The following CAMTA1 variants were observed in gnomAD, a reference collection of about 807,000 sequenced individuals.
The protein encoded by CAMTA1 is calmodulin binding transcription activator 1, also known as calmodulin-binding transcription activator 1.
A neutral mutation model predicts 170.9 loss-of-function variants in CAMTA1; 27 were observed. That is an observed-to-expected ratio of 0.16 (90% CI 0.12 to 0.22). CAMTA1 has a LOEUF of 0.22. Ranked by LOEUF, CAMTA1 falls within the 10% of genes least tolerant of loss-of-function variation. CAMTA1 has a pLI of 1.00. For synonymous variants in CAMTA1, 833 were observed against 891.5 expected (o/e 0.93, Z 1.17); for missense variants, 1,619 against 2,217.2 (o/e 0.73, Z 5.42).
intron 6 of CAMTA1, among the ~76,000 whole-genome samples, chr1:7,487,092 C>T (rs1268051755): frequency 6.6e-6 from 1 of 152,226 alleles, no homozygotes; most frequent in Non-Finnish European, 1.5e-5. Flanking sequence ...GCTCAATGAG[C>T]ACAGATGCTC....
chr1:7,473,414 C>G (rs1466910793), intron 6 of CAMTA1, among the ~76,000 whole-genome samples: 5 of 152,200 alleles, frequency 3.3e-5, no homozygotes, highest in Non-Finnish European at 5.9e-5. Flanking sequence ...GGGGCTCCCC[C>G]AAGGAGGAGG....
At chr1:6,911,728 A>G (rs1679723712) in intron 3 of CAMTA1, among the ~76,000 whole-genome samples, 1 of 152,170 alleles carries the variant, frequency 6.6e-6, no homozygotes, top group Admixed American at 6.5e-5. Context: ...TCATCTGAAA[A>G]ATGGGAAGGC....
chr1:7,436,862 G>T (rs1575317991), intron 5 of CAMTA1, among the ~76,000 whole-genome samples: 1 of 152,130 alleles, frequency 6.6e-6, no homozygotes, highest in Non-Finnish European at 1.5e-5. Context: ...TGCAATCTGG[G>T]TGTGGGATGT....
chr1:6,830,366 T>A (rs1346801755), intron 3 of CAMTA1, among the ~76,000 whole-genome samples: 1 of 132,380 alleles, frequency 7.6e-6, no homozygotes. Context: ...TTTTTTGAGA[T>A]GGAGTCTCAC....
chr1:7,161,958 G>A lies in CAMTA1; in HGVS notation c.302+70587G>A, dbSNP rs114174073. On this transcript the variant is annotated intron_variant, in intron 4 of 22. Transcript: ENST00000303635. Reference sequence around the variant, plus strand: ...CCAAGCTTACTGTGTGTGTCTCTCTGTGTCGGCAACGTCAGATCCTCTCGC... The same window carrying A: ...CCAAGCTTACTGTGTGTGTCTCTCTATGTCGGCAACGTCAGATCCTCTCGC... 2.3e-3 allele frequency among the ~76,000 whole-genome samples: 344 copies of A among 152,282 alleles called. 1 individual carries two copies. The highest frequency in any genetic ancestry group is 8.0e-3 in the African/African-American group (334 of 41,548).
At chr1:7,187,097 C>G (rs1360955715) in intron 4 of CAMTA1, among the ~76,000 whole-genome samples, 1 of 152,112 alleles carries the variant, frequency 6.6e-6, no homozygotes, top group African/African-American at 2.4e-5. Context: ...ATGCTGGTCA[C>G]TGTCCTGACA....
At chr1:6,916,916 G>C (rs942442178) in intron 3 of CAMTA1, among the ~76,000 whole-genome samples, 2 of 152,198 alleles carry the variant, frequency 1.3e-5, no homozygotes, top group African/African-American at 4.8e-5. Context: ...GGAGGCGGAG[G>C]CCTGTTGAGG....
At chr1:7,528,385 C>A (rs2094453329) in intron 6 of CAMTA1, among the ~76,000 whole-genome samples, 2 of 152,008 alleles carry the variant, frequency 1.3e-5, no homozygotes, top group South Asian at 2.1e-4. Flanking sequence ...AAAATAGCTT[C>A]AAGGCCTGAC....
intron 3 of CAMTA1, among the ~76,000 whole-genome samples, chr1:6,880,642 G>T (rs1021280780): frequency 1.3e-5 from 2 of 152,104 alleles, no homozygotes; most frequent in African/African-American, 4.8e-5. Context: ...CGCCCGCCTT[G>T]GCCTCCCAGA....
chr1:6,924,963 G>T (rs560534942), intron 3 of CAMTA1, among the ~76,000 whole-genome samples: 1 of 152,222 alleles, frequency 6.6e-6, no homozygotes, highest in Non-Finnish European at 1.5e-5. Context: ...GGTTGGGGGG[G>T]ACTGTGCTGT....
At chr1:7,016,823 G>A (rs754437424) in intron 3 of CAMTA1, among the ~76,000 whole-genome samples, 2 of 151,354 alleles carry the variant, frequency 1.3e-5, no homozygotes, top group Non-Finnish European at 2.9e-5. Flanking sequence ...GTGACAGAGC[G>A]AGCCTGTCTC....
At chr1:7,666,099 G>T (rs2095998871) in intron 9 of CAMTA1, among the ~76,000 whole-genome samples, 1 of 151,822 alleles carries the variant, frequency 6.6e-6, no homozygotes, top group Non-Finnish European at 1.5e-5. Context: ...AACCCGGGAG[G>T]TGGAGGTTGC....
chr1:7,410,975 G>C (rs1346429693), intron 5 of CAMTA1, among the ~76,000 whole-genome samples: 2 of 151,990 alleles, frequency 1.3e-5, no homozygotes, highest in Non-Finnish European at 2.9e-5. Context: ...GTGTATGTGT[G>C]TGTATATGTG....
chr1:7,205,832 G>A (rs999645068), intron 4 of CAMTA1, among the ~76,000 whole-genome samples: 9 of 152,148 alleles, frequency 5.9e-5, no homozygotes, highest in South Asian at 2.1e-4. Flanking sequence ...TCTAGTACTC[G>A]TATGGTTTCA....
chr1:7,372,385 T>G (rs2086537661), intron 5 of CAMTA1, among the ~76,000 whole-genome samples: 1 of 152,188 alleles, frequency 6.6e-6, no homozygotes, highest in African/African-American at 2.4e-5. Flanking sequence ...TGTTTAGTTT[T>G]TTGTTTGTTG....
intron 5 of CAMTA1, among the ~76,000 whole-genome samples, chr1:7,276,303 A>ATAATTTTTTTTTTTTTTTTTTT: frequency 1.7e-4 from 4 of 24,226 alleles, no homozygotes; most frequent in African/African-American, 8.9e-4. Context: ...ATATATATAT[A>ATAATTTTTTTTTTTTTTTTTTT]TTTTTTTTTT....
At chr1:6,923,870 T>A (rs1682544349) in intron 3 of CAMTA1, among the ~76,000 whole-genome samples, 1 of 152,172 alleles carries the variant, frequency 6.6e-6, no homozygotes, top group Admixed American at 6.6e-5. Flanking sequence ...GACCTGCCAA[T>A]TTGGTGGATA....
chr1:7,151,289 C>T (rs114390851), intron 4 of CAMTA1, among the ~76,000 whole-genome samples: 2,507 of 152,310 alleles, frequency 0.016, 36 homozygotes, highest in Non-Finnish European at 0.026. Context: ...ATGTAGCACC[C>T]GAGCCTAATT....
chr1:7,405,758 G>T (rs2090240032), intron 5 of CAMTA1, among the ~76,000 whole-genome samples: 3 of 152,216 alleles, frequency 2.0e-5, no homozygotes, highest in Non-Finnish European at 4.4e-5. Context: ...ACCACACCGG[G>T]TGGATGTGAG....
Sources: allele counts gnomAD v4.1 joint callset (sites outside exome capture counted in the v4.1 genomes callset), GRCh38; gene constraint gnomAD v4.1.1; transcripts MANE v1.5; gene names NCBI Gene and HGNC (gene_info 2026-07-23, HGNC 2026-07-21).